Variants in THSD4 observed in about 807,000 individuals in gnomAD.
The protein encoded by THSD4 is thrombospondin type-1 domain-containing protein 4.
A neutral mutation model predicts 119.0 loss-of-function variants in THSD4; 69 were observed. The observed-to-expected ratio is 0.58, with a 90% CI of 0.48 to 0.71. The LOEUF (loss-of-function observed/expected upper bound fraction) is 0.71, where lower values mean the gene tolerates loss of function less well. THSD4 is among the 30% of genes least tolerant of loss of function. The pLI is 0.00. For synonymous variants in THSD4, 524 were observed against 540.4 expected (o/e 0.97, Z 0.42); for missense variants, 1,393 against 1,391.1 (o/e 1.00, Z -0.02).
chr15:71,690,832 C>CCT (rs1382090980), intron 8 of THSD4, among the ~76,000 whole-genome samples: 1 of 152,174 alleles, frequency 6.6e-6, no homozygotes, highest in Non-Finnish European at 1.5e-5. Flanking sequence ...ATGGCAAAGA[C>CCT]CTGCCCCCAT....
rs1171184845 is a variant in THSD4, at chr15:71,783,172, T to A, written c.*5798T>A. ...CAGGTGAAAGGTAGAAGGCGAATTA[T>A]GTGAGTAAATATGGTCTGTTTTCTC... On this transcript the variant is annotated 3_prime_UTR_variant, in exon 18 of 18. Coordinates refer to ENST00000261862, the MANE Select transcript of THSD4 (RefSeq NM_024817.3). 1.3e-5 allele frequency: 2 copies of A among 152,232 alleles called. No individual in the cohort carries two copies. The highest frequency in any genetic ancestry group is 4.8e-5 in the African/African-American group (2 of 41,452). The allele number at this position is 152,232 out of a possible 1,614,324, so 9.4% of individuals were successfully genotyped here.
intron 4 of THSD4, among the ~76,000 whole-genome samples, chr15:71,235,469 A>G (rs1352867523): frequency 3.3e-5 from 5 of 152,146 alleles, no homozygotes; most frequent in Non-Finnish European, 5.9e-5. Context: ...TTCTCCAACA[A>G]TAAATAGGCT....
intron 6 of THSD4, among the ~76,000 whole-genome samples, chr15:71,408,180 A>G (rs549839132): frequency 4.6e-5 from 7 of 150,780 alleles, no homozygotes; most frequent in African/African-American, 2.4e-5. Context: ...AAAAAAAAAG[A>G]ATAAAGTGAA....
intron 7 of THSD4, among the ~76,000 whole-genome samples, chr15:71,530,580 G>A (rs984115129): frequency 3.3e-5 from 5 of 151,368 alleles, no homozygotes; most frequent in African/African-American, 1.2e-4. Context: ...GCACAAAGAT[G>A]GTAATATACA....
intron 7 of THSD4, among the ~76,000 whole-genome samples, chr15:71,471,773 G>GT (rs1003721287): frequency 8.6e-5 from 13 of 151,938 alleles, no homozygotes; most frequent in African/African-American, 3.1e-4. Flanking sequence ...GAGGATTCAG[G>GT]TAAGATCATC....
At chr15:71,174,156 G>A (rs990496891) in intron 3 of THSD4, among the ~76,000 whole-genome samples, 2 of 152,134 alleles carry the variant, frequency 1.3e-5, no homozygotes, top group East Asian at 1.9e-4. Flanking sequence ...CAAGATGGCC[G>A]AATAGGAACA....
At chr15:71,253,052 A>G (rs1027776540) in intron 5 of THSD4, among the ~76,000 whole-genome samples, 1 of 152,206 alleles carries the variant, frequency 6.6e-6, no homozygotes, top group Non-Finnish European at 1.5e-5. Context: ...TGCTGGAGTC[A>G]TACACAGGGC....
chr15:71,459,727 A>C (rs1311790319), intron 7 of THSD4, among the ~76,000 whole-genome samples: 2 of 152,192 alleles, frequency 1.3e-5, no homozygotes, highest in African/African-American at 4.8e-5. Flanking sequence ...AAAAAGTTAC[A>C]TATAATAACT....
At chr15:71,523,673 G>A (rs2048475311) in intron 7 of THSD4, among the ~76,000 whole-genome samples, 1 of 152,158 alleles carries the variant, frequency 6.6e-6, no homozygotes, top group South Asian at 2.1e-4. Flanking sequence ...GGGAAATAAG[G>A]AACGACCACA....
intron 7 of THSD4, among the ~76,000 whole-genome samples, chr15:71,530,042 T>A (rs566798243): frequency 1.3e-5 from 2 of 152,344 alleles, no homozygotes; most frequent in South Asian, 4.1e-4. Flanking sequence ...GGTAACTACT[T>A]CTACAATTTT....
intron 2 of THSD4, among the ~76,000 whole-genome samples, chr15:71,142,060 G>A (rs765799166): frequency 3.8e-4 from 57 of 151,990 alleles, no homozygotes; most frequent in South Asian, 1.0e-3. Context: ...TATATTTACC[G>A]TGGTTGCATA....
At chr15:71,378,347 A>T (rs984046148) in intron 6 of THSD4, among the ~76,000 whole-genome samples, 1 of 152,188 alleles carries the variant, frequency 6.6e-6, no homozygotes, top group East Asian at 1.9e-4. Context: ...CTCCCACCAG[A>T]TGAATGAGGG....
chr15:71,223,397 A>G (rs1256913680), intron 4 of THSD4, among the ~76,000 whole-genome samples: 2 of 152,176 alleles, frequency 1.3e-5, no homozygotes, highest in Admixed American at 6.5e-5. Context: ...ATTTATCCCA[A>G]AGCTTTTAGT....
At chr15:71,590,698 C>A (rs936841328) in intron 7 of THSD4, among the ~76,000 whole-genome samples, 4 of 152,080 alleles carry the variant, frequency 2.6e-5, no homozygotes, top group Non-Finnish European at 2.9e-5. Flanking sequence ...TGCACATGCA[C>A]CCTGAACTTA....
In THSD4 at chr15:71,728,548, G is replaced by A. The variant is rs961620800; in HGVS notation, c.1358-1G>A. 2 of 1,613,894 alleles carry A rather than the reference G, an allele frequency of 1.2e-6. No individual in the cohort carries two copies. Among genetic ancestry groups the A allele is most frequent in the Admixed American group, 1.7e-5 (1 of 60,028 alleles). On this transcript the variant is annotated splice_acceptor_variant, in intron 8 of 17. Coordinates refer to ENST00000261862, the MANE Select transcript of THSD4 (RefSeq NM_024817.3). LOFTEE classifies it high-confidence loss of function. ...AAGAACTGTCTGATTTTTCTCAACA[G>A]CCCTGAGAAGTCGTTCTGGACGCTC... is the stretch of plus-strand genomic sequence containing the variant.
intron 6 of THSD4, among the ~76,000 whole-genome samples, chr15:71,318,641 G>A (rs113124638): frequency 0.014 from 2,095 of 152,248 alleles, 15 homozygotes; most frequent in Middle Eastern, 0.024. Context: ...GCTGAGGCTG[G>A]GACTCAGCCC....
chr15:71,567,500 T>C (rs547219387), intron 7 of THSD4, among the ~76,000 whole-genome samples: 4 of 152,266 alleles, frequency 2.6e-5, no homozygotes. Flanking sequence ...GCAGGCATAT[T>C]TGTCCACCAG....
At chr15:71,237,942 T>C (rs916222685) in intron 4 of THSD4, among the ~76,000 whole-genome samples, 1 of 152,182 alleles carries the variant, frequency 6.6e-6, no homozygotes, top group African/African-American at 2.4e-5. Flanking sequence ...TCAACAACTA[T>C]TATAGCAACA....
Position 71,242,881 on chromosome 15 carries a change from T to G in THSD4, c.697T>G (p.Ser233Ala), listed in dbSNP as rs1430968307. ...GTACCAAAGTGACAGTGGCCCTCGC[T>G]CTGGACTGCAGGCTGCGGAGGCCCC... Reference protein sequence around the residue: ...PLYQSDSGPRSGLQAAEAPIY... With the variant: ...PLYQSDSGPRAGLQAAEAPIY... Residue 233 changes from serine (S) to alanine (A), a missense_variant, in exon 5 of 18, where the codon TCT (serine) becomes GCT (alanine). By Grantham distance (99) the Ser-to-Ala change is moderately conservative. Transcript: ENST00000261862. The G allele has an allele frequency of 6.2e-7, 1 of 1,614,170 alleles. No individual in the cohort carries two copies. The highest frequency in any genetic ancestry group is 1.1e-5 in the South Asian group (1 of 91,090).
Sources: allele counts gnomAD v4.1 joint callset (sites outside exome capture counted in the v4.1 genomes callset), GRCh38; gene constraint gnomAD v4.1.1; transcripts MANE v1.5; gene names NCBI Gene and HGNC (gene_info 2026-07-23, HGNC 2026-07-21).